Variants in CNTN1 observed in about 807,000 individuals in gnomAD.
The protein encoded by CNTN1 is contactin 1.
A neutral mutation model predicts 126.4 loss-of-function variants in CNTN1; 38 were observed. The observed-to-expected ratio is 0.30, with a 90% CI of 0.23 to 0.39. The LOEUF is 0.39. Among genes scored for constraint, CNTN1 ranks in the 10% least tolerant of loss-of-function variants. The probability of loss-of-function intolerance (pLI) is 1.00; values close to 1 mark genes in which losing one functional copy is unlikely to be tolerated. For missense variants in CNTN1, 1,009 were observed against 1,248.4 expected, an observed-to-expected ratio of 0.81 and a Z score of 2.89; for synonymous variants, 413 against 422.6, an observed-to-expected ratio of 0.98 and a Z score of 0.28.
intron 23 of CNTN1, among the ~76,000 whole-genome samples, chr12:41,050,533 C>T (rs1043009341): frequency 3.3e-5 from 5 of 152,174 alleles, no homozygotes; most frequent in African/African-American, 1.2e-4. Context: ...AGACATTCAT[C>T]CCCATGATCC....
intron 23 of CNTN1, among the ~76,000 whole-genome samples, chr12:41,030,132 T>C (rs1316795226): frequency 6.6e-6 from 1 of 151,912 alleles, no homozygotes; most frequent in East Asian, 1.9e-4. Flanking sequence ...TTTACCTGTA[T>C]AACAAATCTG....
chr12:40,977,215 A>C (rs976355597), intron 15 of CNTN1, among the ~76,000 whole-genome samples: 2 of 152,140 alleles, frequency 1.3e-5, no homozygotes, highest in Non-Finnish European at 2.9e-5. Flanking sequence ...TGGTTGAAAG[A>C]GTTATTACCA....
chr12:40,984,114 T>C (rs1377446804), intron 16 of CNTN1, among the ~76,000 whole-genome samples: 2 of 150,864 alleles, frequency 1.3e-5, no homozygotes, highest in Admixed American at 6.6e-5. Context: ...GTGAAATATA[T>C]ATAAATATAT....
chr12:40,859,797 A>G (rs1943055997), intron 1 of CNTN1, among the ~76,000 whole-genome samples: 1 of 152,138 alleles, frequency 6.6e-6, no homozygotes, highest in Non-Finnish European at 1.5e-5. Flanking sequence ...TTATAAAATT[A>G]CTTGATTCAA....
intron 23 of CNTN1, among the ~76,000 whole-genome samples, chr12:41,051,457 G>A (rs1175610335): frequency 6.6e-6 from 1 of 151,636 alleles, no homozygotes; most frequent in African/African-American, 2.4e-5. Context: ...AGCCTGTTTT[G>A]TGATCTTATA....
chr12:40,937,638 T>G lies in CNTN1; in HGVS notation c.1179T>G (p.Ala393=). ...FENAGMYQCI[A]ENTYGAIYAN... ...ATGCCGGAATGTATCAGTGCATAGC[T>G]GAAAACACATATGGAGCCATTTATG... Residue 393 remains alanine (A), a synonymous_variant, in exon 11 of 24, where the codon GCT becomes GCG. Transcript: ENST00000551295. The G allele has an allele frequency of 6.2e-7, 1 of 1,613,126 alleles. No individual in the cohort carries two copies. Among genetic ancestry groups the G allele is most frequent in the Non-Finnish European group, 8.5e-7 (1 of 1,179,212 alleles).
intron 1 of CNTN1, among the ~76,000 whole-genome samples, chr12:40,873,010 C>G (rs1943555117): frequency 6.6e-6 from 1 of 152,062 alleles, no homozygotes; most frequent in Non-Finnish European, 1.5e-5. Flanking sequence ...AGCAGCCCAT[C>G]CAGGACTTAA....
intron 1 of CNTN1, among the ~76,000 whole-genome samples, chr12:40,803,408 A>G (rs1940727437): frequency 6.6e-6 from 1 of 152,020 alleles, no homozygotes. Flanking sequence ...CCCAAGCTTT[A>G]CCATGAATTT....
At chr12:40,731,334 C>G (rs1942496837) in intron 1 of CNTN1, among the ~76,000 whole-genome samples, 1 of 151,712 alleles carries the variant, frequency 6.6e-6, no homozygotes, top group African/African-American at 2.4e-5. Context: ...AGAGGCCAAA[C>G]AGGAATGAAT....
In CNTN1 at chr12:41,045,438, T is replaced by C. The variant is rs145033776; in HGVS notation, c.2980+16219T>C. On this transcript the variant is annotated intron_variant, in intron 23 of 23. Coordinates refer to ENST00000551295, the MANE Select transcript of CNTN1 (RefSeq NM_001843.4). ...GGTTTGACACTTATTCACTATAACA[T>C]AAATTTGAAAACCATTTAGAAAGGA... Among the ~76,000 whole-genome samples the C allele has an allele frequency of 7.8e-3, 1,188 of 152,250 alleles. 6 individuals carry two copies. The highest frequency in any genetic ancestry group is 0.014 in the Non-Finnish European group (961 of 68,000).
At chr12:40,815,792 T>A (rs1456269265) in intron 1 of CNTN1, among the ~76,000 whole-genome samples, 2 of 152,230 alleles carry the variant, frequency 1.3e-5, no homozygotes, top group Non-Finnish European at 2.9e-5. Context: ...AGGTTTGTCA[T>A]AAATAGCTCT....
At chr12:40,974,787 G>A (rs995686599) in intron 15 of CNTN1, among the ~76,000 whole-genome samples, 1 of 151,962 alleles carries the variant, frequency 6.6e-6, no homozygotes, top group African/African-American at 2.4e-5. Context: ...TTACATCATA[G>A]GGTTATTGGT....
intron 1 of CNTN1, among the ~76,000 whole-genome samples, chr12:40,732,019 G>C (rs1415624600): frequency 1.3e-5 from 2 of 151,904 alleles, no homozygotes; most frequent in Non-Finnish European, 2.9e-5. Flanking sequence ...GGTGCAGAAG[G>C]AAATCTGAAA....
chr12:40,776,219 A>G (rs921867215), intron 1 of CNTN1, among the ~76,000 whole-genome samples: 4 of 151,672 alleles, frequency 2.6e-5, no homozygotes, highest in Admixed American at 2.0e-4. Flanking sequence ...ATTACTGAGT[A>G]TAGAATTCTA....
At chr12:40,803,243 A>G (rs1940720366) in intron 1 of CNTN1, among the ~76,000 whole-genome samples, 1 of 151,968 alleles carries the variant, frequency 6.6e-6, no homozygotes, top group Non-Finnish European at 1.5e-5. Flanking sequence ...TTTTCCTCAC[A>G]AATTGATGTG....
In CNTN1 at chr12:40,797,116, C is replaced by T. The variant is rs188477437; in HGVS notation, c.-77+104524C>T. Among the ~76,000 whole-genome samples the T allele has an allele frequency of 5.0e-4, 76 of 152,070 alleles. No individual in the cohort carries two copies. The South Asian group carries it at 8.9e-3, about 18-fold the overall frequency. On this transcript the variant is annotated intron_variant, in intron 1 of 23. Coordinates refer to ENST00000551295, the MANE Select transcript of CNTN1 (RefSeq NM_001843.4). ...ATTCAAAAAATATTTTTGGCACCCC[C>T]TATGTGCCCAATACAGTGATAAATA...
rs995796779 is a variant in CNTN1 at position 40,712,308 on chromosome 12, A to C, written c.-77+19716A>C. On this transcript the variant is annotated intron_variant, in intron 1 of 23. Transcript: ENST00000551295. ...TCTTCTATTCCTACTGTGATAGAGC[A>C]TACTGCCATGTCAGTTGATGTTGTG... 2.0e-5 allele frequency among the ~76,000 whole-genome samples: 3 copies of C among 152,178 alleles called. No homozygotes were observed. The South Asian group carries it at 6.2e-4, about 31-fold the overall frequency.
At chr12:40,733,297 CACAA>C (rs1942543375) in intron 1 of CNTN1, among the ~76,000 whole-genome samples, 1 of 151,306 alleles carries the variant, frequency 6.6e-6, no homozygotes, top group Non-Finnish European at 1.5e-5. Flanking sequence ...TTTTTTTGGT[CACAA>C]ACAAATAGCT....
intron 1 of CNTN1, among the ~76,000 whole-genome samples, chr12:40,731,317 T>G (rs1942496081): frequency 6.6e-6 from 1 of 152,000 alleles, no homozygotes; most frequent in Non-Finnish European, 1.5e-5. Context: ...AATTCTATAT[T>G]TTTTAAAGAG....
Sources: allele counts gnomAD v4.1 joint callset (sites outside exome capture counted in the v4.1 genomes callset), GRCh38; gene constraint gnomAD v4.1.1; transcripts MANE v1.5; gene names NCBI Gene and HGNC (gene_info 2026-07-23, HGNC 2026-07-21).